The following GPHN variants were observed in gnomAD, a reference collection of about 807,000 sequenced individuals.
GPHN encodes gephyrin.
Under a neutral mutation model 95.5 loss-of-function variants are expected in GPHN, and 17 were observed. That is an observed-to-expected ratio of 0.18 (90% CI 0.12 to 0.27). GPHN has a LOEUF of 0.27. Among genes scored for constraint, GPHN ranks in the 10% least tolerant of loss-of-function variants. The probability of loss-of-function intolerance (pLI) is 1.00; values close to 1 mark genes in which losing one functional copy is unlikely to be tolerated. For synonymous variants in GPHN, 320 were observed against 322.5 expected (o/e 0.99, Z 0.08); for missense variants, 660 against 978.1 (o/e 0.67, Z 4.34).
chr14:67,686,579 T>C, the GPHN span, among the ~76,000 whole-genome samples: 5 of 142,680 alleles, frequency 3.5e-5, no homozygotes, highest in East Asian at 8.3e-4. Context: ...ACAGAGGTTG[T>C]AGTGAGCCGA....
intron 9 of GPHN, among the ~76,000 whole-genome samples, chr14:66,982,332 A>G (rs372796294): frequency 6.6e-6 from 1 of 152,122 alleles, no homozygotes; most frequent in Non-Finnish European, 1.5e-5. Context: ...TTTGTTGCAT[A>G]ATATTACTAG....
chr14:67,156,333 G>A (rs1012270680), intron 18 of GPHN, among the ~76,000 whole-genome samples: 9 of 151,884 alleles, frequency 5.9e-5, no homozygotes, highest in East Asian at 1.9e-4. Context: ...ATGCACATAC[G>A]TATATGCTTA....
At chr14:66,741,647 T>C (rs1389078027) in intron 2 of GPHN, among the ~76,000 whole-genome samples, 1 of 152,234 alleles carries the variant, frequency 6.6e-6, no homozygotes, top group East Asian at 1.9e-4. Flanking sequence ...CACTGTCTTA[T>C]GTTTTCAAGT....
chr14:66,640,057 G>A (rs569112353), intron 1 of GPHN, among the ~76,000 whole-genome samples: 2 of 152,248 alleles, frequency 1.3e-5, no homozygotes, highest in African/African-American at 4.8e-5. Context: ...AAACACCTAG[G>A]TGCAATGGAT....
At chr14:66,657,706 A>G (rs908430107) in intron 1 of GPHN, among the ~76,000 whole-genome samples, 6 of 152,166 alleles carry the variant, frequency 3.9e-5, no homozygotes, top group African/African-American at 1.4e-4. Context: ...TTACAGCATG[A>G]TTTACTAAAT....
At chr14:67,301,162 CTATA>C in the GPHN span, among the ~76,000 whole-genome samples, 2 of 151,794 alleles carry the variant, frequency 1.3e-5, no homozygotes, top group African/African-American at 4.8e-5. Flanking sequence ...AGTATTTTGT[CTATA>C]GGCGTAAGTA....
chr14:67,415,987 C>T, the GPHN span, among the ~76,000 whole-genome samples: 8 of 151,954 alleles, frequency 5.3e-5, no homozygotes, highest in Non-Finnish European at 2.9e-5. Flanking sequence ...GGGGATGTGG[C>T]GGGAGGGAGA....
At chr14:67,367,162 C>A in the GPHN span, among the ~76,000 whole-genome samples, 3 of 152,230 alleles carry the variant, frequency 2.0e-5, no homozygotes, top group Non-Finnish European at 2.9e-5. Flanking sequence ...ATTTCAGTTG[C>A]TTACCATCTG....
intron 1 of GPHN, among the ~76,000 whole-genome samples, chr14:66,621,339 T>G (rs866861356): frequency 1.1e-4 from 17 of 151,206 alleles, no homozygotes; most frequent in Non-Finnish European, 1.9e-4. Flanking sequence ...ATGGTCTCTA[T>G]CTCCTGACCT....
intron 1 of GPHN, among the ~76,000 whole-genome samples, chr14:66,598,968 A>T (rs899112984): frequency 1.3e-5 from 2 of 152,112 alleles, no homozygotes; most frequent in Non-Finnish European, 1.5e-5. Flanking sequence ...GGCCGTTAGT[A>T]CAATTTTTTT....
At chr14:67,120,797 A>G (rs929920904) in intron 16 of GPHN, among the ~76,000 whole-genome samples, 5 of 152,250 alleles carry the variant, frequency 3.3e-5, no homozygotes, top group Non-Finnish European at 7.3e-5. Context: ...AAGTACTGCC[A>G]GGGAGTAAGA....
intron 1 of GPHN, among the ~76,000 whole-genome samples, chr14:66,593,051 G>A (rs1206785834): frequency 1.3e-5 from 2 of 152,038 alleles, no homozygotes; most frequent in African/African-American, 4.8e-5. Flanking sequence ...CACAGAAAGA[G>A]AAAACCAAAC....
chr14:66,744,491 C>T (rs2058063184), intron 2 of GPHN, among the ~76,000 whole-genome samples: 1 of 152,018 alleles, frequency 6.6e-6, no homozygotes, highest in African/African-American at 2.4e-5. Context: ...TTCAGTCACA[C>T]AAGGCTACCT....
At chr14:67,652,903 G>T in the GPHN span, among the ~76,000 whole-genome samples, 4 of 151,958 alleles carry the variant, frequency 2.6e-5, no homozygotes, top group East Asian at 5.8e-4. Flanking sequence ...AAGCAATTCT[G>T]TCTCAGCCTC....
the GPHN span, among the ~76,000 whole-genome samples, chr14:67,343,059 C>A: frequency 2.0e-5 from 3 of 152,160 alleles, no homozygotes; most frequent in African/African-American, 7.2e-5. Context: ...ACAGAAAACA[C>A]TAAGGATCTT....
the GPHN span, chr14:67,302,039 G>A: frequency 1.2e-6 from 2 of 1,610,760 alleles, no homozygotes; most frequent in Non-Finnish European, 1.7e-6. Flanking sequence ...ACAGATGAGA[G>A]AGTTTATGAA....
At chr14:66,580,410 G>T (rs1434293862) in intron 1 of GPHN, among the ~76,000 whole-genome samples, 2 of 151,586 alleles carry the variant, frequency 1.3e-5, no homozygotes, top group East Asian at 3.9e-4. Context: ...GATCAACAAA[G>T]CTAAGAGTTG....
intron 1 of GPHN, among the ~76,000 whole-genome samples, chr14:66,542,311 AT>A (rs200638365): frequency 0.013 from 2,024 of 152,200 alleles, 20 homozygotes; most frequent in Middle Eastern, 0.02. Context: ...TTATTCTTCT[AT>A]TTTCTTAGAT....
At chr14:67,244,242 T>C in the GPHN span, among the ~76,000 whole-genome samples, 4 of 152,222 alleles carry the variant, frequency 2.6e-5, no homozygotes, top group African/African-American at 9.6e-5. Flanking sequence ...GTGTGGACGC[T>C]TTCCTAGAAT....
Sources: allele counts gnomAD v4.1 joint callset (sites outside exome capture counted in the v4.1 genomes callset), GRCh38; gene constraint gnomAD v4.1.1; transcripts MANE v1.5; gene names NCBI Gene and HGNC (gene_info 2026-07-23, HGNC 2026-07-21).